SLC16A2: variants seen among roughly 807,000 people sequenced by gnomAD.
SLC16A2 encodes the protein monocarboxylate transporter 8.
A neutral mutation model predicts 27.2 loss-of-function variants in SLC16A2; 3 were observed. The ratio of observed to expected loss-of-function variants is 0.11; its 90% CI spans 0.05 to 0.28. The LOEUF is 0.28. Among genes scored for constraint, SLC16A2 ranks in the 10% least tolerant of loss-of-function variants. SLC16A2 has a pLI of 1.00. For synonymous variants in SLC16A2, 202 were observed against 187.8 expected, an observed-to-expected ratio of 1.08 and a Z score of -0.62; for missense variants, 295 against 458.5, an observed-to-expected ratio of 0.64 and a Z score of 3.26.
At chrX:74,422,137 T>C in intron 1 of SLC16A2, 70 bp downstream of exon 1, 1 of 1,053,787 alleles carries the variant, frequency 9.5e-7, no homozygotes, top group Non-Finnish European at 1.3e-6. Flanking sequence ...ACCGACCCCA[T>C]ACCTCCCGGT....
In SLC16A2 at chrX:74,529,316, G is replaced by C. The variant is rs1449997865; in HGVS notation, c.1274G>C (p.Gly425Ala). Reference sequence around the variant, plus strand: ...TGTCTTTTCCTGGGCCTTTGCGATGGCTTCTTCATCACCATCATGGCCCCC... The same window carrying C: ...TGTCTTTTCCTGGGCCTTTGCGATGCCTTCTTCATCACCATCATGGCCCCC... Reference protein sequence around the residue: ...VVCLFLGLCDGFFITIMAPIA... With the variant: ...VVCLFLGLCDAFFITIMAPIA... The change falls in exon 5 of 6, where the codon GGC (glycine) becomes GCC (alanine). Residue 425 changes from glycine to alanine, a missense_variant. Around this residue, in one of 3 missense-constraint regions of SLC16A2, gnomAD observed 144 missense variants for 219.8 expected, o/e 0.66. Coordinates refer to ENST00000587091, the MANE Select transcript of SLC16A2 (RefSeq NM_006517.5). 8.3e-7 allele frequency: 1 copy of C among 1,210,693 alleles called. No homozygotes were observed. Among genetic ancestry groups the C allele is most frequent in the Admixed American group, 2.2e-5 (1 of 46,034 alleles).
intron 1 of SLC16A2, among the ~76,000 whole-genome samples, chrX:74,476,622 A>G (rs867696805): frequency 5.4e-5 from 6 of 111,645 alleles, no homozygotes; most frequent in South Asian, 7.4e-4. Flanking sequence ...GTTTGTCATA[A>G]ATAGCTCTTA....
chrX:74,506,344 A>C (rs1335884272), intron 1 of SLC16A2, among the ~76,000 whole-genome samples: 1 of 111,878 alleles, frequency 8.9e-6, no homozygotes, highest in Non-Finnish European at 1.9e-5. Flanking sequence ...TCATGTCTTC[A>C]TCTGTAAACA....
At chrX:74,446,332 T>G (rs1928836493) in intron 1 of SLC16A2, among the ~76,000 whole-genome samples, 1 of 111,604 alleles carries the variant, frequency 9.0e-6, no homozygotes. Context: ...CTTACCTAAG[T>G]CAATTCTCTG....
chrX:74,532,708 G>A lies in SLC16A2; in HGVS notation c.*1155G>A, dbSNP rs1294405663. 2 of 111,992 alleles carry A rather than the reference G, an allele frequency of 1.8e-5. No individual in the cohort carries two copies. Among genetic ancestry groups the A allele is most frequent in the Non-Finnish European group, 3.8e-5 (2 of 53,144 alleles). 9.2% of individuals were successfully genotyped at this position (111,992 alleles called of 1,213,427 possible). A position where few individuals can be genotyped will look rare whatever the true frequency, so the allele number is the denominator to read the frequency against. The stretch of plus-strand genomic sequence containing the variant: ...CTAGCCTGGATCCCAAAAAGGTACA[G>A]GCAGCAGTTGCACATAGGGTTGGAA... On this transcript the variant is annotated 3_prime_UTR_variant, in exon 6 of 6. Transcript: ENST00000587091.
At chrX:74,530,705 C>G (rs745553434) in intron 5 of SLC16A2, among the ~76,000 whole-genome samples, 2 of 111,460 alleles carry the variant, frequency 1.8e-5, no homozygotes, top group Non-Finnish European at 3.8e-5. Context: ...TTTGCCTTTT[C>G]TGAATACTGT....
chrX:74,433,031 G>A (rs1928560232), intron 1 of SLC16A2, among the ~76,000 whole-genome samples: 1 of 111,716 alleles, frequency 9.0e-6, no homozygotes, highest in Non-Finnish European at 1.9e-5. Flanking sequence ...GTGCACATGT[G>A]TGTGTGTATA....
At chrX:74,524,337 G>A (rs757379291) in intron 2 of SLC16A2, 22 bp from the exon 3 acceptor site, 1 of 1,207,186 alleles carries the variant, frequency 8.3e-7, no homozygotes, top group Non-Finnish European at 1.1e-6. Context: ...GCTGAGGACA[G>A]CTCTTGGTAT....
rs964176575 is a variant in SLC16A2 at position 74,463,532 on chromosome X, A to AT, written c.430+41477dup. Reference sequence around the variant, plus strand: ...ATATTTAAAGTACATTATTTGGTCAATTTTTTTTTTTTGAGATGGAGTCTC... The same window carrying AT: ...ATATTTAAAGTACATTATTTGGTCAATTTTTTTTTTTTTGAGATGGAGTCTC... On this transcript the variant is annotated intron_variant, in intron 1 of 5. Transcript: ENST00000587091. Among the ~76,000 whole-genome samples, 433 of 105,620 alleles carry AT rather than the reference A, an allele frequency of 4.1e-3. 1 individual carries two copies. Among genetic ancestry groups the AT allele is most frequent in the Admixed American group, 6.9e-3 (68 of 9,919 alleles). 91.7% of individuals were successfully genotyped at this position (105,620 alleles called of 115,157 possible).
rs1001901304 is a variant in SLC16A2, at chrX:74,499,989, G to T, written c.431-21001G>T. Among the ~76,000 whole-genome samples the T allele has an allele frequency of 3.6e-5, 4 of 111,332 alleles. No individual in the cohort carries two copies. In the Admixed American group the frequency reaches 3.8e-4, roughly 11 times the overall value. ...TCTTACATATTCAGTAGGTTTGAGG[G>T]GAAAGCTATACATATTTATGAGAAG... On this transcript the variant is annotated intron_variant, in intron 1 of 5. Transcript: ENST00000587091.
intron 1 of SLC16A2, among the ~76,000 whole-genome samples, chrX:74,427,569 T>C (rs1232920832): frequency 8.9e-6 from 1 of 111,967 alleles, no homozygotes; most frequent in Non-Finnish European, 1.9e-5. Context: ...CATATCAACC[T>C]TTTGAGCAGA....
At chrX:74,447,840 G>A (rs982406816) in intron 1 of SLC16A2, among the ~76,000 whole-genome samples, 5 of 110,119 alleles carry the variant, frequency 4.5e-5, no homozygotes, top group Admixed American at 1.9e-4. Flanking sequence ...GCAAAAATTA[G>A]CCAGACATGA....
intron 1 of SLC16A2, among the ~76,000 whole-genome samples, chrX:74,484,846 G>A (rs1929686331): frequency 1.8e-5 from 2 of 112,112 alleles, no homozygotes; most frequent in Non-Finnish European, 1.9e-5. Flanking sequence ...GGCCTTAAGA[G>A]TCAAAAGACT....
chrX:74,511,322 T>C (rs749920058), intron 1 of SLC16A2, among the ~76,000 whole-genome samples: 291 of 110,531 alleles, frequency 2.6e-3, no homozygotes, highest in African/African-American at 8.8e-3. Context: ...GCTGGGACTA[T>C]AGGCACCCGC....
intron 1 of SLC16A2, among the ~76,000 whole-genome samples, chrX:74,448,394 C>G (rs1602110894): frequency 9.8e-6 from 1 of 101,589 alleles, no homozygotes; most frequent in African/African-American, 3.7e-5. Context: ...AAAGTAAGGG[C>G]AGAGCATGTC....
intron 1 of SLC16A2, chrX:74,472,942 A>G (rs1007395378): frequency 7.2e-5 from 29 of 400,834 alleles, no homozygotes; most frequent in African/African-American, 6.7e-4. Context: ...TGCTAAATTC[A>G]CAAATCTGTT....
Position 74,524,673 on chromosome X carries a change from G to C in SLC16A2, c.890G>C (p.Arg297Pro), listed in dbSNP as rs780086745. 1.7e-6 allele frequency: 2 copies of C among 1,211,618 alleles called. No individual in the cohort carries two copies. The highest frequency in any genetic ancestry group is 1.1e-6 in the Non-Finnish European group (1 of 895,437). ...GACACCCCAAGCAAGAGAGGTGTCC[G>C]CACCCTGCACCAGCGCTTTCTGGCT... Reference protein sequence around the residue: ...SQDTPSKRGVRTLHQRFLAQL... With the variant: ...SQDTPSKRGVPTLHQRFLAQL... Residue 297 changes from arginine (R) to proline (P), a missense_variant, in exon 3 of 6, where the codon CGC becomes CCC. Arg to Pro is a moderately radical substitution (Grantham distance 103, BLOSUM62 -2). This residue lies in a region of SLC16A2 where 144 missense variants were observed against 219.8 expected (regional missense o/e 0.66). Coordinates refer to ENST00000587091, the MANE Select transcript of SLC16A2 (RefSeq NM_006517.5).
At chrX:74,433,935 T>C (rs1028714584) in intron 1 of SLC16A2, among the ~76,000 whole-genome samples, 1 of 112,195 alleles carries the variant, frequency 8.9e-6, no homozygotes, top group African/African-American at 3.2e-5. Flanking sequence ...ATACCATCTG[T>C]TATTGCTGGT....
intron 1 of SLC16A2, among the ~76,000 whole-genome samples, chrX:74,476,514 G>T (rs1207315616): frequency 9.0e-6 from 1 of 111,731 alleles, no homozygotes; most frequent in Non-Finnish European, 1.9e-5. Context: ...CCAACACTAT[G>T]TTGAATAGCA....
Sources: gnomAD v4.1 joint callset for allele counts (sites outside exome capture counted in the v4.1 genomes callset) on GRCh38, gnomAD v4.1.1 for gene constraint, gnomAD v4.1.1 regional missense constraint, MANE v1.5 for transcripts, NCBI Gene and HGNC (gene_info 2026-07-23, HGNC 2026-07-21) for gene names.